The following RECK variants were observed in gnomAD, a reference collection of about 807,000 sequenced individuals.
RECK encodes the protein reversion-inducing cysteine-rich protein with Kazal motifs.
RECK carries 69 observed loss-of-function variants against 115.1 expected under a neutral mutation model. The ratio of observed to expected loss-of-function variants is 0.60; its 90% confidence interval spans 0.49 to 0.73. The LOEUF is 0.73. RECK is among the 30% of genes least tolerant of loss of function. The probability of loss-of-function intolerance (pLI) is 0.00; values close to 1 mark genes in which losing one functional copy is unlikely to be tolerated. For missense variants in RECK, 1,047 were observed against 1,203.7 expected (o/e 0.87, Z 1.93); for synonymous variants, 414 against 419.7 (o/e 0.99, Z 0.17).
chr9:36,063,996 CA>C (rs1406970046), intron 5 of RECK, 116 bp downstream of exon 5: 1 of 879,320 alleles, frequency 1.1e-6, no homozygotes, highest in Non-Finnish European at 1.8e-6. Flanking sequence ...GTAAAAACTG[CA>C]AATTTAGCAT....
At chr9:36,065,664 ATGT>A (rs1266767545) in intron 6 of RECK, 40 bp downstream of exon 6, 1 of 1,436,594 alleles carries the variant, frequency 7.0e-7, no homozygotes, top group East Asian at 2.5e-5. Flanking sequence ...GCCTATTCAG[ATGT>A]TATCAGAATT....
At chr9:36,112,088 A>C (rs1319860195) in intron 15 of RECK, among the ~76,000 whole-genome samples, 2 of 132,734 alleles carry the variant, frequency 1.5e-5, no homozygotes, top group South Asian at 4.9e-4. Flanking sequence ...GCGCCACTGC[A>C]CTCCAGCCTG....
intron 3 of RECK, among the ~76,000 whole-genome samples, 154 bp from the exon 4 acceptor site, chr9:36,059,965 C>T (rs909360862): frequency 2.0e-5 from 3 of 152,146 alleles, no homozygotes; most frequent in African/African-American, 7.2e-5. Flanking sequence ...TTTGTTCCCC[C>T]CGAATAGCTG....
intron 1 of RECK, among the ~76,000 whole-genome samples, chr9:36,048,011 A>G (rs1054764047): frequency 6.6e-6 from 1 of 151,188 alleles, no homozygotes; most frequent in Non-Finnish European, 1.5e-5. Flanking sequence ...CTCAATACCA[A>G]TCCTACTTTT....
rs562234377 is a variant in RECK, at chr9:36,121,170, A to G, written c.2539-363A>G. ...TAGTTCTGCCCTCTCTCTTTTCTGC[A>G]CCATCACAGGGCTCCAGAAATGTTG... On this transcript the variant is annotated intron_variant, in intron 19 of 20. Transcript: ENST00000377966. 3.3e-5 allele frequency among the ~76,000 whole-genome samples: 5 copies of G among 152,234 alleles called. No homozygotes were observed. The East Asian group carries it at 9.7e-4, about 29-fold the overall frequency.
At chr9:36,044,365 G>A (rs1273871611) in intron 1 of RECK, among the ~76,000 whole-genome samples, 2 of 151,960 alleles carry the variant, frequency 1.3e-5, no homozygotes, top group Non-Finnish European at 2.9e-5. Flanking sequence ...ATCAGATCTG[G>A]GAGCTTTTTG....
intron 1 of RECK, among the ~76,000 whole-genome samples, chr9:36,045,096 A>T (rs1257604130): frequency 6.6e-6 from 1 of 152,228 alleles, no homozygotes; most frequent in African/African-American, 2.4e-5. Flanking sequence ...ATATGTATCT[A>T]TCCATACATA....
chr9:36,082,973 C>G (rs1185190877), intron 7 of RECK, among the ~76,000 whole-genome samples: 3 of 152,202 alleles, frequency 2.0e-5, no homozygotes, highest in African/African-American at 7.2e-5. Flanking sequence ...GACACTGCTT[C>G]ACTGGTTTTC....
intron 6 of RECK, among the ~76,000 whole-genome samples, chr9:36,067,244 G>T (rs1241164890): frequency 6.6e-6 from 1 of 152,072 alleles, no homozygotes; most frequent in African/African-American, 2.4e-5. Flanking sequence ...TGGACTGGTT[G>T]TTTATCAACA....
chr9:36,057,249 C>T (rs1588277718), intron 2 of RECK, among the ~76,000 whole-genome samples: 2 of 151,774 alleles, frequency 1.3e-5, no homozygotes, highest in South Asian at 2.1e-4. Context: ...ACCAGTATCA[C>T]GGGTTTGATG....
chr9:36,068,769 G>A (rs1377208972), intron 6 of RECK, among the ~76,000 whole-genome samples: 1 of 152,194 alleles, frequency 6.6e-6, no homozygotes. Flanking sequence ...GTATTAGGGT[G>A]ACCAGGAAAT....
chr9:36,058,838 A>G lies in RECK; in HGVS notation c.171A>G (p.Ser57=), dbSNP rs1443301240. 7.5e-6 allele frequency: 12 copies of G among 1,591,946 alleles called. No individual in the cohort carries two copies. The highest frequency in any genetic ancestry group is 1.4e-5 in the African/African-American group (1 of 74,034). ...CRDVCEQIFS[S]KSESRLKHLL... is the part of the protein sequence containing the mutation. ...TTTTTGTCAAATAGATTTTCTCCTC[A>G]AAAAGTGAATCCCGACTAAAACATC... is the stretch of plus-strand genomic sequence containing the variant. The change falls in exon 3 of 21, where the codon TCA becomes TCG. Residue 57 remains serine, a synonymous_variant. Coordinates refer to ENST00000377966, the MANE Select transcript of RECK (RefSeq NM_021111.3).
chr9:36,056,815 A>G (rs1821548678), intron 2 of RECK, among the ~76,000 whole-genome samples: 1 of 152,202 alleles, frequency 6.6e-6, no homozygotes, highest in Non-Finnish European at 1.5e-5. Context: ...TCTTTTTGTG[A>G]TGTTAACAGT....
At chr9:36,108,313 A>G (rs1823901139) in intron 14 of RECK, 149 bp downstream of exon 14, 1 of 496,106 alleles carries the variant, frequency 2.0e-6, no homozygotes, top group African/African-American at 1.9e-5. Context: ...GAGCACTAGG[A>G]CTTCTAAGGA....
At position 36,058,844 on chromosome 9, in the gene RECK, T is replaced by G; in HGVS notation, c.177T>G (p.Ser59Arg). The G allele has an allele frequency of 1.3e-6, 2 of 1,592,824 alleles. No individual in the cohort carries two copies. Among genetic ancestry groups the G allele is most frequent in the Non-Finnish European group, 1.7e-6 (2 of 1,168,934 alleles). ...TCAAATAGATTTTCTCCTCAAAAAG[T>G]GAATCCCGACTAAAACATCTGTTGC... ...DVCEQIFSSK[S>R]ESRLKHLLQR... The change falls in exon 3 of 21, where the codon AGT (serine) becomes AGG (arginine). Residue 59 changes from serine to arginine, a missense_variant. Transcript: ENST00000377966.
chr9:36,070,730 G>A (rs10972717), intron 6 of RECK, among the ~76,000 whole-genome samples: 5,659 of 152,254 alleles, frequency 0.037, 275 homozygotes, highest in South Asian at 0.18. Context: ...TTCCAACTCT[G>A]TAGCTCTCTT....
chr9:36,086,862 AAAT>A (rs1198794331), intron 8 of RECK, among the ~76,000 whole-genome samples: 1 of 152,234 alleles, frequency 6.6e-6, no homozygotes, highest in African/African-American at 2.4e-5. Flanking sequence ...TTCTAGCAGG[AAAT>A]AATTCCAGTT....
chr9:36,050,492 C>G (rs1280713753), intron 1 of RECK, among the ~76,000 whole-genome samples: 1 of 152,214 alleles, frequency 6.6e-6, no homozygotes, highest in East Asian at 1.9e-4. Context: ...ACACTACAGT[C>G]TCTTATCAAG....
chr9:36,053,873 G>A (rs149812591), intron 2 of RECK, among the ~76,000 whole-genome samples: 1 of 152,242 alleles, frequency 6.6e-6, no homozygotes, highest in East Asian at 1.9e-4. Context: ...AACTAATTGA[G>A]AAATAAGGCA....
Sources: gnomAD v4.1 joint callset for allele counts (sites outside exome capture counted in the v4.1 genomes callset) on GRCh38, gnomAD v4.1.1 for gene constraint, MANE v1.5 for transcripts, NCBI Gene and HGNC (gene_info 2026-07-23, HGNC 2026-07-21) for gene names.